Variants in HMOX2 observed in about 807,000 individuals in gnomAD.
HMOX2 encodes heme oxygenase 2.
A neutral mutation model predicts 33.7 loss-of-function variants in HMOX2; 30 were observed. That is an observed-to-expected ratio of 0.89 (90% CI 0.67 to 1.21). The LOEUF (loss-of-function observed/expected upper bound fraction) is 1.21, where lower values mean the gene tolerates loss of function less well. Among genes scored for constraint, HMOX2 ranks in the 50% most tolerant of loss-of-function variants. The probability of loss-of-function intolerance (pLI) is 0.00; values close to 1 mark genes in which losing one functional copy is unlikely to be tolerated. For synonymous variants in HMOX2, 155 were observed against 155.0 expected (o/e 1.00, Z 0.00); for missense variants, 403 against 399.1 (o/e 1.01, Z -0.08).
At chr16:4,507,631 G>A in intron 3 of HMOX2, 82 bp from the exon 4 acceptor site, 1 of 1,457,380 alleles carries the variant, frequency 6.9e-7, no homozygotes, top group South Asian at 1.3e-5. Context: ...TGGGGTTGGG[G>A]GTTGTCACTT....
intron 4 of HMOX2, 46 bp from the exon 5 acceptor site, chr16:4,509,366 G>A (rs931708340): frequency 2.6e-6 from 4 of 1,558,204 alleles, no homozygotes; most frequent in Non-Finnish European, 1.7e-6. Context: ...AAAAAAAAAA[G>A]TATGGGCAGC....
chr16:4,482,569 C>T (rs1219625319), intron 1 of HMOX2, among the ~76,000 whole-genome samples: 1 of 152,144 alleles, frequency 6.6e-6, no homozygotes, highest in Non-Finnish European at 1.5e-5. Flanking sequence ...CAACTTGAGG[C>T]ACTAGTCACA....
At chr16:4,509,254 C>T (rs952287286) in intron 4 of HMOX2, among the ~76,000 whole-genome samples, 158 bp from the exon 5 acceptor site, 1 of 151,998 alleles carries the variant, frequency 6.6e-6, no homozygotes, top group African/African-American at 2.4e-5. Context: ...GTGGGAGGAC[C>T]ACTTGAGCCT....
rs2057841365 is a variant in HMOX2 at position 4,476,500 on chromosome 16, C to T, written c.-42+13C>T. 6.6e-6 allele frequency: 1 copy of T among 152,290 alleles called. No individual in the cohort carries two copies. Among genetic ancestry groups the T allele is most frequent in the African/African-American group, 2.4e-5 (1 of 41,472 alleles). The allele number at this position is 152,290 out of a possible 1,614,324, so 9.4% of individuals were successfully genotyped here. Reference sequence around the variant, plus strand: ...CGACCTGCGGCAGGTGAGCTGTCCGCGCCCTCCCGGGGCCTTCCTTCCGCC... The same window carrying T: ...CGACCTGCGGCAGGTGAGCTGTCCGTGCCCTCCCGGGGCCTTCCTTCCGCC... On this transcript the variant is annotated intron_variant, in intron 1 of 5. Transcript: ENST00000570646.
intron 1 of HMOX2, among the ~76,000 whole-genome samples, chr16:4,488,117 A>T (rs2058218238): frequency 6.9e-6 from 1 of 144,270 alleles, no homozygotes; most frequent in African/African-American, 2.8e-5. Flanking sequence ...ACGAGAGGGA[A>T]ACTCCATCTC....
intron 1 of HMOX2, among the ~76,000 whole-genome samples, chr16:4,494,297 C>CA (rs2058369071): frequency 6.9e-6 from 1 of 145,334 alleles, no homozygotes; most frequent in Non-Finnish European, 1.5e-5. Flanking sequence ...GTCTGGGCGA[C>CA]AGAGTGAGAC....
In HMOX2 at chr16:4,481,222, G is replaced by T. The variant is rs373327944; in HGVS notation, c.-42+4735G>T. 8.4e-4 allele frequency among the ~76,000 whole-genome samples: 127 copies of T among 151,832 alleles called. 1 individual carries two copies. The highest frequency in any genetic ancestry group is 3.0e-3 in the African/African-American group (124 of 41,478). On this transcript the variant is annotated intron_variant, in intron 1 of 5. Transcript: ENST00000570646. ...AAATTAGCCGGGCATGGTGGCGGGC[G>T]CCTGTAGTCCCGGCTACTCGGGAGG... is the stretch of plus-strand genomic sequence containing the variant.
intron 1 of HMOX2, among the ~76,000 whole-genome samples, chr16:4,495,269 C>T (rs973678970): frequency 2.0e-5 from 3 of 152,160 alleles, no homozygotes; most frequent in African/African-American, 7.2e-5. Context: ...GAAGCAGATT[C>T]CATTCCCCTT....
intron 1 of HMOX2, among the ~76,000 whole-genome samples, chr16:4,501,712 T>C (rs994821483): frequency 3.9e-5 from 6 of 152,158 alleles, no homozygotes; most frequent in African/African-American, 1.4e-4. Context: ...CATTCAAGTA[T>C]AGAAACCAGC....
At chr16:4,505,191 T>G (rs889084293) in intron 1 of HMOX2, among the ~76,000 whole-genome samples, 3 of 152,198 alleles carry the variant, frequency 2.0e-5, no homozygotes, top group African/African-American at 7.2e-5. Flanking sequence ...TACCCCAGTG[T>G]GTATTTCTTA....
At chr16:4,479,180 C>G (rs1567376968) in intron 1 of HMOX2, among the ~76,000 whole-genome samples, 1 of 151,948 alleles carries the variant, frequency 6.6e-6, no homozygotes, top group Non-Finnish European at 1.5e-5. Flanking sequence ...TCAGAGTGAA[C>G]AATAAGTAGG....
At chr16:4,495,660 A>C (rs1228678111) in intron 1 of HMOX2, 4 of 152,218 alleles carry the variant, frequency 2.6e-5, no homozygotes, top group Non-Finnish European at 5.9e-5. Context: ...CTTTCTATCC[A>C]TTGCACTACC....
At chr16:4,503,709 C>T (rs2058616993) in intron 1 of HMOX2, among the ~76,000 whole-genome samples, 1 of 152,104 alleles carries the variant, frequency 6.6e-6, no homozygotes, top group South Asian at 2.1e-4. Context: ...TCAAAAAGAC[C>T]TCAGTGAGCA....
At chr16:4,487,106 A>G (rs1196284754) in intron 1 of HMOX2, among the ~76,000 whole-genome samples, 1 of 152,158 alleles carries the variant, frequency 6.6e-6, no homozygotes, top group Admixed American at 6.5e-5. Context: ...AAAAATTTTT[A>G]AAATTAGCTA....
intron 1 of HMOX2, among the ~76,000 whole-genome samples, chr16:4,480,345 G>GC (rs2057988441): frequency 9.8e-6 from 1 of 101,538 alleles, no homozygotes; most frequent in East Asian, 2.7e-4. Context: ...ACAGCACCCG[G>GC]CCTTTTTTTT....
chr16:4,508,684 C>T lies in HMOX2; in HGVS notation c.696+480C>T, dbSNP rs1354026574. Among the ~76,000 whole-genome samples the T allele has an allele frequency of 2.0e-5, 3 of 152,154 alleles. No individual in the cohort carries two copies. In the East Asian group the frequency reaches 5.8e-4, roughly 29 times the overall value. ...GTCCTGTCAGCTTCCACTGAGGCCTCCCAGGGCACTCAGGATGAGTATGCC... is the reference window on the plus strand; with the variant it reads ...GTCCTGTCAGCTTCCACTGAGGCCTTCCAGGGCACTCAGGATGAGTATGCC... On this transcript the variant is annotated intron_variant, in intron 4 of 5. Transcript: ENST00000570646.
intron 1 of HMOX2, among the ~76,000 whole-genome samples, chr16:4,497,371 A>C (rs1025031134): frequency 6.6e-6 from 1 of 152,064 alleles, no homozygotes; most frequent in Admixed American, 6.6e-5. Flanking sequence ...TAAAAATCCC[A>C]CCAGAACCAT....
chr16:4,478,776 A>G (rs1260918347), intron 1 of HMOX2, among the ~76,000 whole-genome samples: 3 of 151,720 alleles, frequency 2.0e-5, no homozygotes, highest in Non-Finnish European at 2.9e-5. Context: ...AAAAAAAAAA[A>G]AAAGAAAGAA....
At chr16:4,496,685 G>A (rs559035271) in intron 1 of HMOX2, 1 of 152,182 alleles carries the variant, frequency 6.6e-6, no homozygotes, top group East Asian at 1.9e-4. Context: ...GAGTGATCTT[G>A]CCCATGTTAA....
Sources: gnomAD v4.1 joint callset for allele counts (sites outside exome capture counted in the v4.1 genomes callset) on GRCh38, gnomAD v4.1.1 for gene constraint, MANE v1.5 for transcripts, NCBI Gene and HGNC (gene_info 2026-07-23, HGNC 2026-07-21) for gene names.